Variants in FRY observed in about 807,000 individuals in gnomAD.
FRY encodes protein furry homolog.
Under a neutral mutation model 348.4 loss-of-function variants are expected in FRY, and 128 were observed. That is an observed-to-expected ratio of 0.37 (90% confidence interval 0.32 to 0.43). FRY has a LOEUF of 0.43. Ranked by LOEUF, FRY falls within the 20% of genes least tolerant of loss-of-function variation. The probability of loss-of-function intolerance (pLI) is 1.00; values close to 1 mark genes in which losing one functional copy is unlikely to be tolerated. For synonymous variants in FRY, 1,370 were observed against 1,374.7 expected (o/e 1.00, Z 0.08); for missense variants, 2,736 against 3,695.2 (o/e 0.74, Z 6.73).
chr13:32,202,159 G>A, intron 30 of FRY, 119 bp downstream of exon 30: 2 of 822,938 alleles, frequency 2.4e-6, no homozygotes, highest in South Asian at 1.4e-5. Context: ...CATATCATTT[G>A]TGGCTATGAA....
chr13:32,081,385 C>T (rs975539025), intron 2 of FRY, among the ~76,000 whole-genome samples: 3 of 152,132 alleles, frequency 2.0e-5, no homozygotes, highest in Non-Finnish European at 2.9e-5. Flanking sequence ...AGTGCAATGG[C>T]GCAATTTTGG....
intron 4 of FRY, 137 bp from the exon 5 acceptor site, chr13:32,124,148 TG>T: frequency 4.6e-6 from 3 of 656,856 alleles, no homozygotes; most frequent in Non-Finnish European, 5.5e-6. Context: ...AACGTTAGCA[TG>T]TATCTACCAG....
intron 19 of FRY, among the ~76,000 whole-genome samples, chr13:32,174,310 T>C (rs17077182): frequency 0.13 from 19,035 of 152,256 alleles, 1,516 homozygotes; most frequent in African/African-American, 0.22. Context: ...TTTCTGTTCA[T>C]ATTTCTTCAG....
At chr13:32,055,767 G>T (rs1873590816) in intron 1 of FRY, among the ~76,000 whole-genome samples, 1 of 152,162 alleles carries the variant, frequency 6.6e-6, no homozygotes, top group Non-Finnish European at 1.5e-5. Context: ...CTGAGTAATG[G>T]AAATCAGGAA....
At chr13:32,182,537 T>A (rs539797307) in intron 23 of FRY, among the ~76,000 whole-genome samples, 14 of 152,348 alleles carry the variant, frequency 9.2e-5, no homozygotes, top group African/African-American at 3.1e-4. Context: ...TTCCACTAAT[T>A]AGACTGAAAA....
At chr13:32,188,313 C>T (rs993917034) in intron 28 of FRY, among the ~76,000 whole-genome samples, 1 of 152,114 alleles carries the variant, frequency 6.6e-6, no homozygotes, top group African/African-American at 2.4e-5. Flanking sequence ...ATGCCACGTT[C>T]TCTACATTAT....
At chr13:32,107,375 C>T (rs1394235685) in intron 3 of FRY, among the ~76,000 whole-genome samples, 2 of 152,002 alleles carry the variant, frequency 1.3e-5, no homozygotes, top group Non-Finnish European at 2.9e-5. Context: ...AAGAAGAAAC[C>T]TGGAAAAAAG....
intron 28 of FRY, among the ~76,000 whole-genome samples, chr13:32,189,721 A>T (rs1167412610): frequency 6.6e-6 from 1 of 152,054 alleles, no homozygotes; most frequent in Non-Finnish European, 1.5e-5. Flanking sequence ...TTAAAGAAAA[A>T]ATTGCATGGA....
chr13:32,171,405 G>A, intron 18 of FRY, 135 bp downstream of exon 18: 1 of 709,522 alleles, frequency 1.4e-6, no homozygotes, highest in Non-Finnish European at 2.3e-6. Context: ...TCCACCTCCT[G>A]GTTCAAGTGA....
At chr13:32,178,781 T>C in intron 21 of FRY, 63 bp from the exon 22 acceptor site, 1 of 1,096,078 alleles carries the variant, frequency 9.1e-7, no homozygotes. Context: ...GATCTTTATT[T>C]AATAAGTGAT....
chr13:32,289,266 T>C (rs73450494), intron 58 of FRY, among the ~76,000 whole-genome samples: 1,902 of 152,320 alleles, frequency 0.012, 35 homozygotes, highest in African/African-American at 0.042. Context: ...AATATACTTT[T>C]AATAAAAGGA....
At chr13:32,088,160 G>T (rs1312546668) in intron 2 of FRY, among the ~76,000 whole-genome samples, 1 of 152,174 alleles carries the variant, frequency 6.6e-6, no homozygotes. Flanking sequence ...AGCTAGTCTT[G>T]TTGGTCAAAC....
intron 7 of FRY, among the ~76,000 whole-genome samples, chr13:32,125,313 T>C (rs1416336004): frequency 2.0e-5 from 3 of 152,246 alleles, no homozygotes; most frequent in Non-Finnish European, 2.9e-5. Context: ...TCCCAGACTC[T>C]GTCATGGAAA....
intron 31 of FRY, among the ~76,000 whole-genome samples, chr13:32,208,066 T>C (rs1884457219): frequency 6.6e-6 from 1 of 152,236 alleles, no homozygotes; most frequent in South Asian, 2.1e-4. Flanking sequence ...CAAAATGCTC[T>C]GAGAGAAAGT....
chr13:32,231,733 C>G (rs969408012), intron 41 of FRY, among the ~76,000 whole-genome samples: 1 of 152,128 alleles, frequency 6.6e-6, no homozygotes, highest in African/African-American at 2.4e-5. Flanking sequence ...GCTAACAATT[C>G]CTGTGCAGAT....
In FRY at chr13:32,280,627, G is replaced by C. The variant is rs368216438; in HGVS notation, c.8469+2079G>C. Among the ~76,000 whole-genome samples, 36 of 152,262 alleles carry C rather than the reference G, an allele frequency of 2.4e-4. No individual in the cohort carries two copies. In the East Asian group the frequency reaches 2.9e-3, roughly 12 times the overall value. ...CAAATCGAATCCAGCTCATAGTATAGTTTGTATAGTAGTATGTAAAAAACA... is the reference window on the plus strand; with the variant it reads ...CAAATCGAATCCAGCTCATAGTATACTTTGTATAGTAGTATGTAAAAAACA... On this transcript the variant is annotated intron_variant, in intron 58 of 60. Coordinates refer to ENST00000542859, the MANE Select transcript of FRY (RefSeq NM_023037.3).
intron 55 of FRY, among the ~76,000 whole-genome samples, chr13:32,274,434 G>C (rs1164701551): frequency 6.6e-6 from 1 of 152,176 alleles, no homozygotes; most frequent in East Asian, 1.9e-4. Context: ...AGGGCCAGAC[G>C]CAGTGGCTCA....
intron 35 of FRY, 22 bp downstream of exon 35, chr13:32,212,404 A>G: frequency 7.3e-7 from 1 of 1,366,436 alleles, no homozygotes. Context: ...AATTTGACTT[A>G]ATATCCAGTG....
intron 49 of FRY, 84 bp from the exon 50 acceptor site, chr13:32,251,794 C>T: frequency 2.4e-6 from 2 of 823,002 alleles, no homozygotes; most frequent in South Asian, 1.3e-5. Context: ...AGTGCTATTG[C>T]CCTGTATGGC....
Sources: allele counts gnomAD v4.1 joint callset (sites outside exome capture counted in the v4.1 genomes callset), GRCh38; gene constraint gnomAD v4.1.1; transcripts MANE v1.5; gene names NCBI Gene and HGNC (gene_info 2026-07-23, HGNC 2026-07-21).